GNAQ: variants seen among roughly 807,000 people sequenced by gnomAD.
GNAQ encodes G protein subunit alpha q, also known as guanine nucleotide-binding protein G(q) subunit alpha.
GNAQ carries 8 observed loss-of-function variants against 43.9 expected under a neutral mutation model. The observed-to-expected ratio is 0.18, with a 90% CI of 0.11 to 0.33. The LOEUF is 0.33. Among genes scored for constraint, GNAQ ranks in the 10% least tolerant of loss-of-function variants. GNAQ has a pLI of 1.00. For synonymous variants in GNAQ, 155 were observed against 170.7 expected, an observed-to-expected ratio of 0.91 and a Z score of 0.71; for missense variants, 158 against 450.8, an observed-to-expected ratio of 0.35 and a Z score of 5.88.
chr9:78,008,985 G>C (rs1182088404), intron 1 of GNAQ, among the ~76,000 whole-genome samples: 1 of 152,174 alleles, frequency 6.6e-6, no homozygotes, highest in Non-Finnish European at 1.5e-5. Context: ...AAAAATGTGG[G>C]CATACTGTCA....
intron 2 of GNAQ, among the ~76,000 whole-genome samples, chr9:77,888,692 G>A (rs928952636): frequency 6.6e-6 from 1 of 152,070 alleles, no homozygotes; most frequent in African/African-American, 2.4e-5. Flanking sequence ...CACGTGGAAC[G>A]CTGGCTGAGA....
intron 2 of GNAQ, among the ~76,000 whole-genome samples, chr9:77,860,285 A>G (rs1271027170): frequency 6.6e-6 from 1 of 152,142 alleles, no homozygotes; most frequent in Non-Finnish European, 1.5e-5. Flanking sequence ...AGTCCTGTTC[A>G]GACAGCCCAT....
intron 1 of GNAQ, among the ~76,000 whole-genome samples, chr9:77,929,132 A>C (rs1829111486): frequency 6.6e-6 from 1 of 152,232 alleles, no homozygotes; most frequent in African/African-American, 2.4e-5. Flanking sequence ...GTGAATTTTC[A>C]TGCTAAAACT....
At chr9:77,814,655 T>C (rs1826983715) in intron 3 of GNAQ, among the ~76,000 whole-genome samples, 1 of 152,188 alleles carries the variant, frequency 6.6e-6, no homozygotes, top group Non-Finnish European at 1.5e-5. Flanking sequence ...TCCATGCACT[T>C]TTGAGTGATG....
At chr9:77,762,846 A>G (rs1388050495) in intron 5 of GNAQ, among the ~76,000 whole-genome samples, 2 of 152,062 alleles carry the variant, frequency 1.3e-5, no homozygotes, top group Non-Finnish European at 2.9e-5. Context: ...ACTCAGGGTT[A>G]AATGGATTAA....
At chr9:78,025,242 A>G (rs746352323) in intron 1 of GNAQ, among the ~76,000 whole-genome samples, 1 of 152,076 alleles carries the variant, frequency 6.6e-6, no homozygotes, top group Non-Finnish European at 1.5e-5. Flanking sequence ...CTATAATTTT[A>G]TTTTTTACAT....
intron 2 of GNAQ, among the ~76,000 whole-genome samples, chr9:77,920,249 T>C (rs1157718711): frequency 1.3e-5 from 2 of 152,194 alleles, no homozygotes; most frequent in Non-Finnish European, 2.9e-5. Flanking sequence ...TACATGACTG[T>C]ATAATAAATG....
chr9:77,970,804 G>A (rs1435738580), intron 1 of GNAQ, among the ~76,000 whole-genome samples: 1 of 151,592 alleles, frequency 6.6e-6, no homozygotes, highest in East Asian at 1.9e-4. Context: ...AGAACTGAAG[G>A]AGATACAGAC....
At chr9:77,988,178 A>C (rs1243636158) in intron 1 of GNAQ, among the ~76,000 whole-genome samples, 1 of 152,238 alleles carries the variant, frequency 6.6e-6, no homozygotes. Context: ...GAATGGAAGG[A>C]AACAGTAAGA....
chr9:78,031,802 G>A lies in GNAQ; in HGVS notation c.-567C>T, dbSNP rs1381161005. ...CGCGCGCAGACCCGGTTCCCGTCCC[G>A]CCCGGCAACCGCGCGCTCCTCCGCC... On this transcript the variant is annotated 5_prime_UTR_variant, in exon 1 of 7. Transcript: ENST00000286548. Among the ~76,000 whole-genome samples the A allele has an allele frequency of 6.8e-6, 1 of 147,810 alleles. No homozygotes were observed. The highest frequency in any genetic ancestry group is 1.5e-5 in the Non-Finnish European group (1 of 66,530).
At chr9:77,917,387 G>T (rs974553730) in intron 2 of GNAQ, among the ~76,000 whole-genome samples, 7 of 152,010 alleles carry the variant, frequency 4.6e-5, no homozygotes, top group Admixed American at 4.6e-4. Context: ...GGGGAAGAAG[G>T]TAAGAAAAAA....
intron 5 of GNAQ, among the ~76,000 whole-genome samples, chr9:77,790,665 C>T (rs973312244): frequency 6.6e-6 from 1 of 152,176 alleles, no homozygotes; most frequent in African/African-American, 2.4e-5. Flanking sequence ...TACTTCCACC[C>T]TCTTTGCTGC....
chr9:77,719,531 G>A lies in GNAQ; in HGVS notation c.*1792C>T, dbSNP rs1455843310. 7 of 232,472 alleles carry A rather than the reference G, an allele frequency of 3.0e-5. No homozygotes were observed. Among genetic ancestry groups the A allele is most frequent in the African/African-American group, 4.4e-5 (2 of 45,286 alleles). 14.4% of individuals were successfully genotyped at this position (232,472 alleles called of 1,614,324 possible). The stretch of plus-strand genomic sequence containing the variant: ...GGCTTTGGTACTCATTTAACAGGCC[G>A]TGATTTTTCTCCCTCCCCCTTTGTT... On this transcript the variant is annotated 3_prime_UTR_variant, in exon 7 of 7. Coordinates refer to ENST00000286548, the MANE Select transcript of GNAQ (RefSeq NM_002072.5).
At chr9:77,739,261 T>C (rs1825617273) in intron 5 of GNAQ, among the ~76,000 whole-genome samples, 1 of 152,212 alleles carries the variant, frequency 6.6e-6, no homozygotes, top group Admixed American at 6.5e-5. Context: ...TGGTTGGAAT[T>C]TCTTTGAACA....
At chr9:77,751,045 T>C (rs909306644) in intron 5 of GNAQ, among the ~76,000 whole-genome samples, 15 of 152,224 alleles carry the variant, frequency 9.9e-5, no homozygotes, top group African/African-American at 3.6e-4. Context: ...TTTTGGTGTA[T>C]TCCTTTACAA....
intron 2 of GNAQ, among the ~76,000 whole-genome samples, chr9:77,852,085 T>C (rs1366658349): frequency 6.6e-6 from 1 of 152,134 alleles, no homozygotes; most frequent in Non-Finnish European, 1.5e-5. Flanking sequence ...GAGTTCACAC[T>C]TGATGAAAAA....
intron 2 of GNAQ, among the ~76,000 whole-genome samples, chr9:77,856,697 T>C (rs543173879): frequency 3.3e-5 from 5 of 152,332 alleles, no homozygotes; most frequent in African/African-American, 1.2e-4. Context: ...GTAATTACTT[T>C]AAAATTATTT....
At chr9:77,832,900 C>CAG (rs1564124486) in intron 2 of GNAQ, among the ~76,000 whole-genome samples, 7 of 152,198 alleles carry the variant, frequency 4.6e-5, no homozygotes, top group African/African-American at 1.7e-4. Context: ...TTGGCCTTTT[C>CAG]AATTTCACAG....
chr9:78,002,796 T>C (rs1265201119), intron 1 of GNAQ, among the ~76,000 whole-genome samples: 1 of 152,214 alleles, frequency 6.6e-6, no homozygotes, highest in East Asian at 1.9e-4. Flanking sequence ...TGAATATCCC[T>C]TAATACTTAC....
Sources: allele counts gnomAD v4.1 joint callset (sites outside exome capture counted in the v4.1 genomes callset), GRCh38; gene constraint gnomAD v4.1.1; transcripts MANE v1.5; gene names NCBI Gene and HGNC (gene_info 2026-07-23, HGNC 2026-07-21).